PTPRN2: variants seen among roughly 807,000 people sequenced by gnomAD.
The protein encoded by PTPRN2 is receptor-type tyrosine-protein phosphatase N2.
A neutral mutation model predicts 118.8 loss-of-function variants in PTPRN2; 74 were observed. The observed-to-expected ratio is 0.62, with a 90% CI of 0.52 to 0.76. The LOEUF is 0.76. Among genes scored for constraint, PTPRN2 ranks in the 30% least tolerant of loss-of-function variants. The pLI, the probability that PTPRN2 is intolerant of heterozygous loss-of-function variation, is 0.00. For synonymous variants in PTPRN2, 641 were observed against 608.0 expected (o/e 1.05, Z -0.80); for missense variants, 1,481 against 1,394.4 (o/e 1.06, Z -0.99).
intron 5 of PTPRN2, among the ~76,000 whole-genome samples, chr7:158,178,780 G>A: frequency 6.6e-6 from 1 of 151,676 alleles, no homozygotes; most frequent in East Asian, 1.9e-4. Flanking sequence ...TGTATTTTTA[G>A]TAGAGACGAG....
At chr7:157,922,321 C>T (rs192314462) in intron 11 of PTPRN2, among the ~76,000 whole-genome samples, 1 of 152,238 alleles carries the variant, frequency 6.6e-6, no homozygotes, top group East Asian at 1.9e-4. Flanking sequence ...GAAGTCTTTC[C>T]TGGGCGATGG....
intron 1 of PTPRN2, among the ~76,000 whole-genome samples, chr7:158,504,384 T>TCC (rs199538805): frequency 1.3e-5 from 2 of 151,440 alleles, no homozygotes; most frequent in Non-Finnish European, 1.5e-5. Context: ...TCTGTGTCGT[T>TCC]CCCCCCCCAT....
intron 11 of PTPRN2, among the ~76,000 whole-genome samples, chr7:157,902,005 G>A (rs867551095): frequency 8.5e-5 from 13 of 152,212 alleles, no homozygotes; most frequent in African/African-American, 2.9e-4. Context: ...CTTCCTGTCC[G>A]TGTTTCCTTG....
At chr7:157,758,145 T>G (rs2952648) in intron 12 of PTPRN2, among the ~76,000 whole-genome samples, 52,156 of 152,104 alleles carry the variant, frequency 0.34, 10,109 homozygotes, top group African/African-American at 0.52. Context: ...TCCCCGTAGC[T>G]CCCGGCGTGG....
chr7:157,774,147 G>A (rs893677225), intron 12 of PTPRN2, among the ~76,000 whole-genome samples: 2 of 152,194 alleles, frequency 1.3e-5, no homozygotes, highest in Admixed American at 6.5e-5. Context: ...TAGCTGCCAC[G>A]GGGAAGAGAG....
At chr7:158,085,632 G>A (rs1451500403) in intron 10 of PTPRN2, among the ~76,000 whole-genome samples, 33 of 84,192 alleles carry the variant, frequency 3.9e-4, no homozygotes, top group Non-Finnish European at 5.6e-4. Flanking sequence ...CACCCTCGAC[G>A]CCCATCCACA....
intron 12 of PTPRN2, among the ~76,000 whole-genome samples, chr7:157,840,402 GTGTGTGA>G (rs1808327233): frequency 2.4e-5 from 3 of 123,356 alleles, no homozygotes; most frequent in African/African-American, 1.0e-4. Context: ...CTGTGTGACC[GTGTGTGA>G]CTGTGTGACT....
intron 9 of PTPRN2, among the ~76,000 whole-genome samples, chr7:158,131,938 TACAC>T (rs1377348546): frequency 7.5e-6 from 1 of 133,948 alleles, no homozygotes; most frequent in Non-Finnish European, 1.6e-5. Flanking sequence ...CCGACACACA[TACAC>T]ACACATGCAA....
intron 11 of PTPRN2, among the ~76,000 whole-genome samples, chr7:157,992,347 A>G (rs1804317091): frequency 6.6e-6 from 1 of 152,182 alleles, no homozygotes; most frequent in Non-Finnish European, 1.5e-5. Flanking sequence ...GCTCTCCAGG[A>G]TGAGTTGGGA....
rs1268735264 is a variant in PTPRN2, at chr7:157,609,741, A to G, written c.2345-5666T>C. Among the ~76,000 whole-genome samples the G allele has an allele frequency of 3.3e-5, 5 of 152,226 alleles. No homozygotes were observed. The highest frequency in any genetic ancestry group is 1.2e-4 in the African/African-American group (5 of 41,458). ...TGGCACGCAGCAAGCAATGAGGAGCAAGGCTGAGATGACGGTGGACACGCA... is the reference window on the plus strand; with the variant it reads ...TGGCACGCAGCAAGCAATGAGGAGCGAGGCTGAGATGACGGTGGACACGCA... On this transcript the variant is annotated intron_variant, in intron 15 of 22. Coordinates refer to ENST00000389418, the MANE Select transcript of PTPRN2 (RefSeq NM_002847.5). This position sits in a 1 kb window ranked among gnomAD's most constrained non-coding sequence, Gnocchi z 4.9.
chr7:157,810,848 C>T lies in PTPRN2; in HGVS notation c.1788+87825G>A, dbSNP rs560475614. Among the ~76,000 whole-genome samples the T allele has an allele frequency of 3.9e-5, 6 of 152,164 alleles. No individual in the cohort carries two copies. The South Asian group carries it at 8.3e-4, about 21-fold the overall frequency. On this transcript the variant is annotated intron_variant, in intron 12 of 22. Transcript: ENST00000389418. ...CGGCGGGACTGCTGGGGTCTGTGCT[C>T]CTCACCCCAGGGCTCACGCTTTTCC...
At chr7:158,522,024 G>C (rs1469892594) in intron 1 of PTPRN2, among the ~76,000 whole-genome samples, 14 of 78,844 alleles carry the variant, frequency 1.8e-4, no homozygotes, top group South Asian at 5.2e-4. Context: ...CACAATGGTG[G>C]ACTGTCCGGG....
At chr7:158,055,071 A>C (rs995407611) in intron 11 of PTPRN2, among the ~76,000 whole-genome samples, 1 of 152,238 alleles carries the variant, frequency 6.6e-6, no homozygotes, top group African/African-American at 2.4e-5. Flanking sequence ...TAAAATAAGA[A>C]TAGTTATACT....
At chr7:158,070,878 ATGG>A (rs1365645646) in intron 11 of PTPRN2, among the ~76,000 whole-genome samples, 1 of 64,790 alleles carries the variant, frequency 1.5e-5, no homozygotes, top group South Asian at 6.8e-4. Context: ...GGTGGTGCCC[ATGG>A]TGGTGGAGGT....
chr7:158,484,766 G>C (rs557301825), intron 2 of PTPRN2, among the ~76,000 whole-genome samples: 5 of 152,308 alleles, frequency 3.3e-5, no homozygotes, highest in African/African-American at 1.2e-4. Context: ...CAGTGTGCCG[G>C]TGCTTCCTGC....
chr7:157,544,513 C>G (rs887318339), intron 22 of PTPRN2, among the ~76,000 whole-genome samples: 2 of 152,156 alleles, frequency 1.3e-5, no homozygotes, highest in South Asian at 4.1e-4. Flanking sequence ...ACGGGCAGCA[C>G]GTGGACATGC....
intron 11 of PTPRN2, among the ~76,000 whole-genome samples, chr7:158,023,798 GCATGCAGGCACACACAAGCAGGCACACA>G (rs1807074433): frequency 6.6e-6 from 1 of 152,064 alleles, no homozygotes; most frequent in Non-Finnish European, 1.5e-5. Context: ...TCATGCACAT[GCATGCAGGCACACACAAGCAGGCACACA>G]CATGCAGGCA....
chr7:158,120,770 G>C (rs1817101085), intron 9 of PTPRN2, among the ~76,000 whole-genome samples: 1 of 152,224 alleles, frequency 6.6e-6, no homozygotes, highest in South Asian at 2.1e-4. Flanking sequence ...CATCTGAACA[G>C]CTTGTGAAGG....
rs1799159388 is a variant in PTPRN2, at chr7:157,560,998, G to A, written c.2902+7904C>T. Among the ~76,000 whole-genome samples, 1 of 152,178 alleles carries A rather than the reference G, an allele frequency of 6.6e-6. No homozygotes were observed. The highest frequency in any genetic ancestry group is 6.5e-5 in the Admixed American group (1 of 15,284). On this transcript the variant is annotated intron_variant, in intron 21 of 22. Coordinates refer to ENST00000389418, the MANE Select transcript of PTPRN2 (RefSeq NM_002847.5). This position sits in a 1 kb window ranked among gnomAD's most constrained non-coding sequence, Gnocchi z 6.7. ...TGCGCCCAAATGTGTGGCTCTGTCTGGCTCAACCCTCTCCTGGGCCCCGTG... is the reference window on the plus strand; with the variant it reads ...TGCGCCCAAATGTGTGGCTCTGTCTAGCTCAACCCTCTCCTGGGCCCCGTG...
Sources: gnomAD v4.1 joint callset for allele counts (sites outside exome capture counted in the v4.1 genomes callset) on GRCh38, gnomAD v4.1.1 for gene constraint, Gnocchi (gnomAD v3.1) non-coding constraint, MANE v1.5 for transcripts, NCBI Gene and HGNC (gene_info 2026-07-23, HGNC 2026-07-21) for gene names.